EPB41L3: variants seen among roughly 807,000 people sequenced by gnomAD.
EPB41L3 encodes the protein band 4.1-like protein 3.
A neutral mutation model predicts 127.1 loss-of-function variants in EPB41L3; 57 were observed. The observed-to-expected ratio is 0.45, with a 90% CI of 0.36 to 0.56. The LOEUF (loss-of-function observed/expected upper bound fraction) is 0.56, where lower values mean the gene tolerates loss of function less well. EPB41L3 is among the 20% of genes least tolerant of loss of function. The probability of loss-of-function intolerance (pLI) is 0.00; values close to 1 mark genes in which losing one functional copy is unlikely to be tolerated. For synonymous variants in EPB41L3, 572 were observed against 549.5 expected (o/e 1.04, Z -0.57); for missense variants, 1,273 against 1,372.2 (o/e 0.93, Z 1.14).
chr18:5,594,697 G>T (rs1447742486), intron 3 of EPB41L3, among the ~76,000 whole-genome samples: 1 of 152,178 alleles, frequency 6.6e-6, no homozygotes, highest in East Asian at 1.9e-4. Flanking sequence ...CCCTCACTGT[G>T]AATTTAAGCA....
intron 3 of EPB41L3, among the ~76,000 whole-genome samples, chr18:5,565,166 G>A (rs531114258): frequency 4.6e-5 from 7 of 151,884 alleles, no homozygotes; most frequent in Non-Finnish European, 1.0e-4. Context: ...GGAGGCCAAG[G>A]CAGGTGGATC....
chr18:5,450,086 G>A (rs2082079415), intron 3 of EPB41L3, among the ~76,000 whole-genome samples: 1 of 152,196 alleles, frequency 6.6e-6, no homozygotes, highest in Non-Finnish European at 1.5e-5. Context: ...CAGATAATGG[G>A]GGGGACTACT....
At chr18:5,611,493 T>C (rs987806523) in intron 3 of EPB41L3, among the ~76,000 whole-genome samples, 2 of 152,214 alleles carry the variant, frequency 1.3e-5, no homozygotes, top group Admixed American at 1.3e-4. Flanking sequence ...TGTTGGTTAA[T>C]GTGTAGAGTT....
At chr18:5,619,337 T>C (rs1017712659) in intron 1 of EPB41L3, among the ~76,000 whole-genome samples, 2 of 152,252 alleles carry the variant, frequency 1.3e-5, no homozygotes, top group African/African-American at 2.4e-5. Flanking sequence ...GTCTAATGTA[T>C]GAAAATGGCT....
intron 3 of EPB41L3, among the ~76,000 whole-genome samples, chr18:5,551,079 T>C (rs1181194710): frequency 1.3e-5 from 2 of 152,180 alleles, no homozygotes; most frequent in South Asian, 2.1e-4. Context: ...GGGCATGATA[T>C]TGCTTTTGGA....
intron 1 of EPB41L3, among the ~76,000 whole-genome samples, chr18:5,529,412 G>A (rs935537316): frequency 1.3e-5 from 2 of 152,010 alleles, no homozygotes; most frequent in Non-Finnish European, 2.9e-5. Flanking sequence ...CCCCCTCTGT[G>A]CGCACCGCCC....
chr18:5,406,559 G>C (rs1173560978), intron 16 of EPB41L3, among the ~76,000 whole-genome samples: 1 of 152,088 alleles, frequency 6.6e-6, no homozygotes, highest in Non-Finnish European at 1.5e-5. Context: ...GTGGCTTCCC[G>C]CCCTAAGAAC....
In EPB41L3 at chr18:5,604,658, T is replaced by C. The variant is rs2094629259; in HGVS notation, c.-306+7682A>G. ...TAGTAGAGAAGGGGTTTCACCATGT[T>C]GGCCAGGCTGGTCTCGAACTTCTGG... is the stretch of plus-strand genomic sequence containing the variant. On this transcript the variant is annotated intron_variant, in intron 3 of 21. Coordinates refer to the EPB41L3 transcript ENST00000545076. Among the ~76,000 whole-genome samples the C allele has an allele frequency of 1.3e-5, 2 of 152,170 alleles. 1 individual carries two copies. The highest frequency in any genetic ancestry group is 4.1e-4 in the South Asian group (2 of 4,830).
intron 1 of EPB41L3, among the ~76,000 whole-genome samples, chr18:5,539,918 T>C (rs1488392117): frequency 6.6e-6 from 1 of 152,202 alleles, no homozygotes; most frequent in Non-Finnish European, 1.5e-5. Context: ...ATCTTCTACT[T>C]ATGAAACACC....
In EPB41L3 at chr18:5,424,264, GA is replaced by G; in HGVS notation, c.1160del (p.Phe387SerfsTer14). The G allele has an allele frequency of 1.9e-6, 3 of 1,575,898 alleles. No homozygotes were observed. Among genetic ancestry groups the G allele is most frequent in the South Asian group, 1.2e-5 (1 of 82,942 alleles). ...AAAACAAAATAATCTCTTCCTACCT[GA>G]AAAATGTATGATGCTCAACACATAC... ...WKVCVEHHTF[F>X]RLLLPEAPPK... On this transcript the variant is annotated frameshift_variant, in exon 10 of 23. Coordinates refer to ENST00000341928, the MANE Select transcript of EPB41L3 (RefSeq NM_012307.5). LOFTEE classifies it high-confidence loss of function.
At chr18:5,551,962 T>A (rs2093972308) in intron 3 of EPB41L3, among the ~76,000 whole-genome samples, 1 of 151,846 alleles carries the variant, frequency 6.6e-6, no homozygotes, top group Admixed American at 6.6e-5. Flanking sequence ...CTTTTAGGAG[T>A]AAATGGAGTT....
At chr18:5,407,026 G>C (rs964405902) in intron 15 of EPB41L3, 58 bp from the exon 16 acceptor site, 1 of 1,520,760 alleles carries the variant, frequency 6.6e-7, no homozygotes, top group Non-Finnish European at 9.1e-7. Context: ...GTTCCTTTCA[G>C]CTCTTTTGTT....
intron 3 of EPB41L3, among the ~76,000 whole-genome samples, chr18:5,474,466 CAT>C (rs1491412420): frequency 2.0e-5 from 3 of 151,954 alleles, no homozygotes; most frequent in African/African-American, 4.8e-5. Flanking sequence ...TGTGTGTGCA[CAT>C]GTGTGTGTGT....
intron 5 of EPB41L3, among the ~76,000 whole-genome samples, chr18:5,440,173 A>G (rs766958365): frequency 2.6e-5 from 4 of 152,208 alleles, no homozygotes; most frequent in Non-Finnish European, 5.9e-5. Flanking sequence ...CGATGGCTTG[A>G]ATAAGCTTCC....
At chr18:5,599,073 A>C (rs2094563920) in intron 3 of EPB41L3, among the ~76,000 whole-genome samples, 1 of 152,228 alleles carries the variant, frequency 6.6e-6, no homozygotes, top group Non-Finnish European at 1.5e-5. Context: ...ACAAACAAAC[A>C]TGTATTATGG....
chr18:5,489,132 C>T lies in EPB41L3; in HGVS notation c.52G>A (p.Glu18Lys), dbSNP rs750617383. Residue 18 changes from glutamate to lysine, a missense_variant, in exon 2 of 23, where the codon GAG becomes AAG. Glu to Lys is a moderately conservative substitution (Grantham distance 56). Transcript: ENST00000341928. ...DSESKPDQEA[E>K]PQEAAGAQGR... ...TGCGCCCCCGCCGCCTCCTGGGGCT[C>T]GGCCTCCTGGTCCGGCTTGGATTCC... 22 of 1,594,784 alleles carry T rather than the reference C, an allele frequency of 1.4e-5. No individual in the cohort carries two copies. Among genetic ancestry groups the T allele is most frequent in the South Asian group, 6.7e-5 (6 of 89,216 alleles).
intron 3 of EPB41L3, among the ~76,000 whole-genome samples, chr18:5,458,453 T>C (rs1355408532): frequency 6.6e-6 from 1 of 152,196 alleles, no homozygotes; most frequent in Non-Finnish European, 1.5e-5. Flanking sequence ...TTGGCTAAAC[T>C]GTATTAGGCC....
At chr18:5,581,132 C>T (rs1015173621) in intron 3 of EPB41L3, among the ~76,000 whole-genome samples, 1 of 152,088 alleles carries the variant, frequency 6.6e-6, no homozygotes, top group East Asian at 1.9e-4. Flanking sequence ...TGGTGTGACA[C>T]AACCAAATGA....
At position 5,503,527 on chromosome 18, in the gene EPB41L3, G is replaced by T. The variant is rs145823084; in HGVS notation, c.-11-14333C>A. ...AGCTACTGTAGGATTCTAAAATGCA[G>T]CCTGGAATGAGAGTGGTGAGATCGC... On this transcript the variant is annotated intron_variant, in intron 1 of 22. Transcript: ENST00000341928. 1.2e-3 allele frequency among the ~76,000 whole-genome samples: 190 copies of T among 152,326 alleles called. 1 individual carries two copies. The highest frequency in any genetic ancestry group is 4.4e-3 in the African/African-American group (182 of 41,586).
Sources: allele counts gnomAD v4.1 joint callset (sites outside exome capture counted in the v4.1 genomes callset), GRCh38; gene constraint gnomAD v4.1.1; transcripts MANE v1.5; gene names NCBI Gene and HGNC (gene_info 2026-07-23, HGNC 2026-07-21).